The following HDX variants were observed in gnomAD, a reference collection of about 807,000 sequenced individuals.
The protein encoded by HDX is highly divergent homeobox, also known as chromosome X open reading frame 43.
HDX carries 19 observed loss-of-function variants against 45.2 expected under a neutral mutation model. The ratio of observed to expected loss-of-function variants is 0.42; its 90% CI spans 0.29 to 0.62. The LOEUF is 0.62. Ranked by LOEUF, HDX falls within the 20% of genes least tolerant of loss-of-function variation. HDX has a pLI of 0.20. For synonymous variants in HDX, 188 were observed against 172.8 expected (o/e 1.09, Z -0.69); for missense variants, 532 against 493.9 (o/e 1.08, Z -0.73).
intron 5 of HDX, among the ~76,000 whole-genome samples, chrX:84,410,062 TAAAAA>T (rs1215257762): frequency 4.4e-3 from 330 of 74,577 alleles, no homozygotes; most frequent in African/African-American, 0.017. Flanking sequence ...CAAAAAAGAT[TAAAAA>T]AAAAAAAAAA....
At chrX:84,365,002 T>C (rs1021911284) in intron 5 of HDX, among the ~76,000 whole-genome samples, 1 of 111,648 alleles carries the variant, frequency 9.0e-6, no homozygotes, top group Non-Finnish European at 1.9e-5. Context: ...TGTTTTTTTA[T>C]CCCTCTATGG....
intron 4 of HDX, among the ~76,000 whole-genome samples, chrX:84,451,793 A>G (rs1261273615): frequency 8.9e-6 from 1 of 111,750 alleles, no homozygotes; most frequent in Non-Finnish European, 1.9e-5. Context: ...TTCTAGCAGA[A>G]TGAATTCAAC....
intron 5 of HDX, among the ~76,000 whole-genome samples, chrX:84,362,939 C>G (rs66681599): frequency 6.3e-5 from 7 of 110,338 alleles, no homozygotes; most frequent in Admixed American, 9.7e-5. Context: ...ATTCAGCCAC[C>G]GAAAGGAAAA....
At position 84,468,922 on chromosome X, in the gene HDX, T is replaced by A; in HGVS notation, c.801A>T (p.Ser267=). The part of the protein sequence containing the change: ...TQNLEIREVF[S]LAVSDYPQRI... ...TCTGGGGGTAATCGCTAACTGCCAA[T>A]GAAAACACTTCACGGATTTCCAAGT... is the stretch of plus-strand genomic sequence containing the variant. Residue 267 remains serine, a synonymous_variant, in exon 4 of 11, where the codon TCA becomes TCT. Coordinates refer to ENST00000373177, the MANE Select transcript of HDX (RefSeq NM_001177479.2). 8.3e-7 allele frequency: 1 copy of A among 1,211,711 alleles called. No individual in the cohort carries two copies. The highest frequency in any genetic ancestry group is 1.1e-6 in the Non-Finnish European group (1 of 895,353).
intron 5 of HDX, among the ~76,000 whole-genome samples, chrX:84,362,344 A>T (rs2037641886): frequency 9.0e-6 from 1 of 111,234 alleles, no homozygotes; most frequent in South Asian, 3.8e-4. Context: ...TACTTTGCTG[A>T]TAAGGCATCA....
intron 5 of HDX, among the ~76,000 whole-genome samples, chrX:84,402,473 C>T (rs1050197467): frequency 1.8e-5 from 2 of 111,669 alleles, no homozygotes; most frequent in African/African-American, 3.3e-5. Flanking sequence ...ATCTATTTAC[C>T]GTTTCTATAG....
intron 1 of HDX, among the ~76,000 whole-genome samples, chrX:84,490,940 C>T (rs948721192): frequency 9.0e-6 from 1 of 110,714 alleles, no homozygotes; most frequent in South Asian, 3.8e-4. Context: ...ACATAAAGTG[C>T]AGTTATTTTC....
chrX:84,348,703 C>T (rs183886070), intron 6 of HDX, among the ~76,000 whole-genome samples: 9 of 111,093 alleles, frequency 8.1e-5, no homozygotes, highest in Admixed American at 2.9e-4. Flanking sequence ...TGAATCTTTG[C>T]CGTGGCCTGT....
At chrX:84,416,251 G>A (rs1263576055) in intron 5 of HDX, among the ~76,000 whole-genome samples, 1 of 111,267 alleles carries the variant, frequency 9.0e-6, no homozygotes, top group Non-Finnish European at 1.9e-5. Flanking sequence ...ATCTTATCGA[G>A]ATATGCCATG....
rs1190492411 is a variant in HDX at position 84,336,852 on chromosome X, A to G, written c.1689T>C (p.Asp563=). ...QEEPNEVVPN[D]ARAHKEEDHH... ...GGTCCTCTTCCTTATGAGCCCTTGC[A>G]TCATTCGGAACAACTTCATTGGGCT... The change falls in exon 8 of 11, where the codon GAT becomes GAC. Residue 563 remains aspartate, a synonymous_variant. Coordinates refer to ENST00000373177, the MANE Select transcript of HDX (RefSeq NM_001177479.2). The G allele has an allele frequency of 8.4e-7, 1 of 1,187,825 alleles. No individual in the cohort carries two copies. Among genetic ancestry groups the G allele is most frequent in the Admixed American group, 2.2e-5 (1 of 44,912 alleles).
chrX:84,493,055 G>A (rs972399709), intron 1 of HDX, among the ~76,000 whole-genome samples: 1 of 110,767 alleles, frequency 9.0e-6, no homozygotes, highest in African/African-American at 3.3e-5. Flanking sequence ...AAGATTACAG[G>A]CACTGGCCAC....
chrX:84,340,691 G>C (rs1030690704), intron 7 of HDX, among the ~76,000 whole-genome samples: 5 of 110,888 alleles, frequency 4.5e-5, no homozygotes, highest in Non-Finnish European at 7.6e-5. Flanking sequence ...GACATAACTA[G>C]TAGGAAACTG....
intron 7 of HDX, among the ~76,000 whole-genome samples, chrX:84,338,233 T>C (rs2037008955): frequency 9.0e-6 from 1 of 110,862 alleles, no homozygotes; most frequent in African/African-American, 3.3e-5. Flanking sequence ...AGAATTCAAG[T>C]TTAAGATATT....
chrX:84,361,573 T>C lies in HDX; in HGVS notation c.1345A>G (p.Thr449Ala). Residue 449 changes from threonine (T) to alanine (A), a missense_variant, in exon 6 of 11, where the codon ACC (threonine) becomes GCC (alanine). Thr to Ala is a moderately conservative substitution (Grantham distance 58). Around this residue, in one of 3 missense-constraint regions of HDX, gnomAD observed 376 missense variants for 343.7 expected, o/e 1.09. Coordinates refer to ENST00000373177, the MANE Select transcript of HDX (RefSeq NM_001177479.2). ...CCATTGTCCCAATACTTCTTAAGGG[T>C]GGCTAAGTCTCGGTCACTGAACTGA... ...RTQFSDRDLA[T>A]LKKYWDNGMT... is the part of the protein sequence containing the mutation. The C allele has an allele frequency of 8.3e-7, 1 of 1,202,201 alleles. No individual in the cohort carries two copies. Among genetic ancestry groups the C allele is most frequent in the Non-Finnish European group, 1.1e-6 (1 of 888,829 alleles).
At position 84,368,191 on chromosome X, in the gene HDX, T is replaced by C. The variant is rs770551215; in HGVS notation, c.1306-6579A>G. Among the ~76,000 whole-genome samples the C allele has an allele frequency of 2.5e-3, 279 of 111,697 alleles. 2 individuals are homozygous for C. Among genetic ancestry groups the C allele is most frequent in the African/African-American group, 8.8e-3 (270 of 30,818 alleles). ...AGGATTAATCATTTTATATGCTTAT[T>C]GAACATATGCATTTATTTTTATGTT... On this transcript the variant is annotated intron_variant, in intron 5 of 10. Coordinates refer to ENST00000373177, the MANE Select transcript of HDX (RefSeq NM_001177479.2).
At chrX:84,408,499 G>GTTTTTTTTTTTTTTTTTTTTTTTTTT (rs1220751208) in intron 5 of HDX, among the ~76,000 whole-genome samples, 3 of 44,435 alleles carry the variant, frequency 6.8e-5, no homozygotes, top group Non-Finnish European at 1.2e-4. Flanking sequence ...CTCCAGCTTT[G>GTTTTTTTTTTTTTTTTTTTTTTTTTT]TTTTTTTTTT....
At chrX:84,389,449 C>T (rs761613208) in intron 5 of HDX, among the ~76,000 whole-genome samples, 3 of 111,181 alleles carry the variant, frequency 2.7e-5, no homozygotes, top group South Asian at 7.8e-4. Flanking sequence ...GGGCTCCTTC[C>T]CTGCTTGAGT....
chrX:84,454,322 A>G (rs1781987470), intron 4 of HDX, among the ~76,000 whole-genome samples: 1 of 111,251 alleles, frequency 9.0e-6, no homozygotes, highest in African/African-American at 3.3e-5. Flanking sequence ...TCTAGATGTG[A>G]TCTGTGCCAG....
chrX:84,359,358 A>C (rs2147843754), intron 6 of HDX, among the ~76,000 whole-genome samples: 1 of 108,561 alleles, frequency 9.2e-6, no homozygotes, highest in South Asian at 4.1e-4. Flanking sequence ...CCACCCCCCA[A>C]CAGGCCCCAG....
Sources: allele counts gnomAD v4.1 joint callset (sites outside exome capture counted in the v4.1 genomes callset), GRCh38; gene constraint gnomAD v4.1.1; regional missense constraint gnomAD v4.1.1; transcripts MANE v1.5; gene names NCBI Gene and HGNC (gene_info 2026-07-23, HGNC 2026-07-21).